ZDHHC7: variants seen among roughly 807,000 people sequenced by gnomAD.
ZDHHC7 encodes zDHHC palmitoyltransferase 7, also known as palmitoyltransferase ZDHHC7.
A neutral mutation model predicts 34.1 loss-of-function variants in ZDHHC7; 12 were observed. The ratio of observed to expected loss-of-function variants is 0.35; its 90% CI spans 0.23 to 0.57. The LOEUF is 0.57. Among genes scored for constraint, ZDHHC7 ranks in the 20% least tolerant of loss-of-function variants. ZDHHC7 has a pLI of 0.84. For missense variants in ZDHHC7, 388 were observed against 402.7 expected, an observed-to-expected ratio of 0.96 and a Z score of 0.31; for synonymous variants, 185 against 155.4, an observed-to-expected ratio of 1.19 and a Z score of -1.42.
chr16:84,977,369 G>A lies in ZDHHC7; in HGVS notation c.620-144C>T, dbSNP rs563345616. 7.5e-5 allele frequency: 80 copies of A among 1,068,904 alleles called. 3 individuals are homozygous for A. The South Asian group carries it at 1.3e-3, about 17-fold the overall frequency. The allele number at this position is 1,068,904 out of a possible 1,614,324, so 66.2% of individuals were successfully genotyped here. A position where few individuals can be genotyped will look rare whatever the true frequency, so the allele number is the denominator to read the frequency against. ...CACTTTCTAAATGGGCACATTCATT[G>A]TTCTCCAAGGAGCAGAGGAGGGCCA... is the stretch of plus-strand genomic sequence containing the variant. On this transcript the variant is annotated intron_variant, in intron 6 of 7. Coordinates refer to ENST00000313732, the MANE Select transcript of ZDHHC7 (RefSeq NM_017740.3).
the ZDHHC7 span, among the ~76,000 whole-genome samples, chr16:85,020,135 G>C: frequency 6.6e-6 from 1 of 152,230 alleles, no homozygotes; most frequent in East Asian, 1.9e-4. Context: ...TGCCAAGCCA[G>C]CCTCCTCGAG....
At chr16:84,991,436 C>G (rs1486011776) in intron 2 of ZDHHC7, among the ~76,000 whole-genome samples, 1 of 151,992 alleles carries the variant, frequency 6.6e-6, no homozygotes, top group Non-Finnish European at 1.5e-5. Flanking sequence ...CAGGCGCCCA[C>G]CACCACACCT....
At chr16:84,988,822 C>T (rs1385902617) in intron 3 of ZDHHC7, 1 of 1,551,788 alleles carries the variant, frequency 6.4e-7, no homozygotes, top group African/African-American at 1.4e-5. Context: ...AGGGTTGGGT[C>T]CAGCCCAGTT....
chr16:84,981,593 A>G (rs1228388611), intron 4 of ZDHHC7, among the ~76,000 whole-genome samples: 1 of 151,962 alleles, frequency 6.6e-6, no homozygotes, highest in Non-Finnish European at 1.5e-5. Flanking sequence ...GAACCTTGTC[A>G]CCTCCTCCAG....
At chr16:84,988,289 G>T (rs1257198388) in intron 3 of ZDHHC7, among the ~76,000 whole-genome samples, 5 of 152,060 alleles carry the variant, frequency 3.3e-5, no homozygotes, top group African/African-American at 1.2e-4. Flanking sequence ...AAGGGGTGTG[G>T]GGTTCCTTTC....
intron 1 of ZDHHC7, among the ~76,000 whole-genome samples, chr16:85,010,942 C>G (rs1311476986): frequency 6.6e-6 from 1 of 152,240 alleles, no homozygotes; most frequent in Non-Finnish European, 1.5e-5. Context: ...CTCTTTACAG[C>G]TTACACAGGG....
the ZDHHC7 span, among the ~76,000 whole-genome samples, chr16:85,020,513 C>T: frequency 1.4e-4 from 21 of 152,098 alleles, no homozygotes; most frequent in African/African-American, 4.8e-4. Flanking sequence ...TGCAGGGATT[C>T]CTTTAGGATG....
At chr16:85,025,904 G>C in the ZDHHC7 span, among the ~76,000 whole-genome samples, 3 of 152,176 alleles carry the variant, frequency 2.0e-5, no homozygotes, top group East Asian at 1.9e-4. Context: ...CTTTGGAGAG[G>C]TCACAAATAT....
At chr16:85,007,508 T>C (rs754699107) in intron 1 of ZDHHC7, among the ~76,000 whole-genome samples, 7 of 147,624 alleles carry the variant, frequency 4.7e-5, no homozygotes, top group Non-Finnish European at 4.5e-5. Flanking sequence ...TGTTTGTAAA[T>C]AGAAGTGAAG....
intron 3 of ZDHHC7, among the ~76,000 whole-genome samples, chr16:84,983,686 A>G (rs2072399864): frequency 6.6e-6 from 1 of 152,218 alleles, no homozygotes; most frequent in Admixed American, 6.5e-5. Flanking sequence ...CTCATCTTTG[A>G]AAACTTAAAT....
At chr16:85,023,178 T>C in the ZDHHC7 span, among the ~76,000 whole-genome samples, 1 of 151,604 alleles carries the variant, frequency 6.6e-6, no homozygotes, top group East Asian at 1.9e-4. Context: ...CTTTTTTTTT[T>C]TTTTTTGAGA....
intron 3 of ZDHHC7, among the ~76,000 whole-genome samples, chr16:84,984,228 C>T (rs2072408094): frequency 6.6e-6 from 1 of 152,002 alleles, no homozygotes; most frequent in South Asian, 2.1e-4. Flanking sequence ...GCCGTGTTGG[C>T]CAGGCTGGTC....
chr16:85,016,299 G>A (rs1206112271), upstream of ZDHHC7, among the ~76,000 whole-genome samples: 1 of 152,106 alleles, frequency 6.6e-6, no homozygotes, highest in South Asian at 2.1e-4. Flanking sequence ...TAGGATTATA[G>A]GCATGCGCCA....
In ZDHHC7 at chr16:84,981,875, G is replaced by A. The variant is rs1291592567; in HGVS notation, c.435C>T (p.His145=). ...CCCIKPERAH[H]CSICKRCIRK... The stretch of plus-strand genomic sequence containing the variant: ...TAATACAGCAGCGCACGTACCTGCA[G>A]TGGTGGGCGCGCTCGGGTTTAATAC... Residue 145 remains histidine (H), a synonymous_variant, in exon 4 of 8, where the codon CAC becomes CAT. Coordinates refer to ENST00000313732, the MANE Select transcript of ZDHHC7 (RefSeq NM_017740.3). 6 of 1,614,126 alleles carry A rather than the reference G, an allele frequency of 3.7e-6. No homozygotes were observed. The Admixed American group carries it at 6.7e-5, about 18-fold the overall frequency.
At chr16:84,983,872 C>T (rs895748539) in intron 3 of ZDHHC7, among the ~76,000 whole-genome samples, 6 of 150,744 alleles carry the variant, frequency 4.0e-5, no homozygotes, top group Admixed American at 2.6e-4. Flanking sequence ...TGGTGGCCTG[C>T]GCTTGTAATA....
intron 1 of ZDHHC7, among the ~76,000 whole-genome samples, chr16:85,007,743 C>T (rs1306180009): frequency 6.6e-6 from 1 of 152,018 alleles, no homozygotes; most frequent in Non-Finnish European, 1.5e-5. Context: ...GTGTCTCCTC[C>T]ATGTTCTAGA....
chr16:84,979,721 A>C (rs1354897600), intron 4 of ZDHHC7, among the ~76,000 whole-genome samples: 5 of 152,182 alleles, frequency 3.3e-5, no homozygotes. Context: ...AATATGCAGT[A>C]TGGATTGCAT....
At chr16:84,985,245 G>A (rs773065296) in intron 3 of ZDHHC7, among the ~76,000 whole-genome samples, 1 of 152,186 alleles carries the variant, frequency 6.6e-6, no homozygotes, top group Non-Finnish European at 1.5e-5. Flanking sequence ...CAGCCCTGAT[G>A]AGACAAAGCA....
At chr16:84,987,999 C>T (rs1381059353) in intron 3 of ZDHHC7, among the ~76,000 whole-genome samples, 1 of 152,162 alleles carries the variant, frequency 6.6e-6, no homozygotes, top group Non-Finnish European at 1.5e-5. Context: ...GAAACCCCGT[C>T]TCTACTAAAA....
Sources: allele counts gnomAD v4.1 joint callset (sites outside exome capture counted in the v4.1 genomes callset), GRCh38; gene constraint gnomAD v4.1.1; transcripts MANE v1.5; gene names NCBI Gene and HGNC (gene_info 2026-07-23, HGNC 2026-07-21).